KIAA1549: variants seen among roughly 807,000 people sequenced by gnomAD.
KIAA1549 encodes the protein KIAA1549.
KIAA1549 carries 70 observed loss-of-function variants against 156.4 expected under a neutral mutation model. The observed-to-expected ratio is 0.45, with a 90% CI of 0.37 to 0.55. The LOEUF (loss-of-function observed/expected upper bound fraction) is 0.55, where lower values mean the gene tolerates loss of function less well. Among genes scored for constraint, KIAA1549 ranks in the 20% least tolerant of loss-of-function variants. The pLI is 0.00. For missense variants in KIAA1549, 2,428 were observed against 2,540.9 expected (o/e 0.96, Z 0.96); for synonymous variants, 1,103 against 1,066.4 (o/e 1.03, Z -0.67).
At position 138,836,541 on chromosome 7, in the gene KIAA1549, C is replaced by T. The variant is rs1809713153; in HGVS notation, c.*1365G>A. ...CAGGTTAATAGTGAAAATCTCTTAG[C>T]TAAGCCTGCTTTTCTTCTGAGTTTC... On this transcript the variant is annotated 3_prime_UTR_variant, in exon 20 of 20. Transcript: ENST00000422774. 9.2e-6 allele frequency: 2 copies of T among 216,886 alleles called. No homozygotes were observed. Among genetic ancestry groups the T allele is most frequent in the Non-Finnish European group, 1.9e-5 (2 of 107,870 alleles). The allele number at this position is 216,886 out of a possible 1,614,324, so 13.4% of individuals were successfully genotyped here. A position where few individuals can be genotyped will look rare whatever the true frequency, so the allele number is the denominator to read the frequency against.
chr7:138,859,003 C>A (rs963613313), intron 16 of KIAA1549, among the ~76,000 whole-genome samples: 17 of 124,358 alleles, frequency 1.4e-4, no homozygotes, highest in African/African-American at 5.2e-4. Context: ...GAGACTCCAT[C>A]TCAAAACACA....
chr7:138,954,241 T>G (rs892695283), intron 1 of KIAA1549, among the ~76,000 whole-genome samples: 13 of 152,320 alleles, frequency 8.5e-5, no homozygotes, highest in African/African-American at 3.1e-4. Flanking sequence ...TAAACTTTGC[T>G]CTGGACATGG....
chr7:138,925,824 T>G, intron 1 of KIAA1549, among the ~76,000 whole-genome samples: 1 of 93,012 alleles, frequency 1.1e-5, no homozygotes, highest in Non-Finnish European at 1.9e-5. Flanking sequence ...AGCCAGATCC[T>G]GTCTCAAAAA....
intron 3 of KIAA1549, 92 bp from the exon 4 acceptor site, chr7:138,911,415 G>T (rs1440997124): frequency 4.1e-6 from 4 of 965,990 alleles, no homozygotes; most frequent in Admixed American, 3.0e-5. Context: ...AAAACTGGTA[G>T]TTTTGAATGA....
intron 16 of KIAA1549, among the ~76,000 whole-genome samples, chr7:138,856,048 T>C (rs1325334957): frequency 6.6e-6 from 1 of 151,728 alleles, no homozygotes; most frequent in African/African-American, 2.4e-5. Context: ...TTTTTTTTTT[T>C]TGAGACAGAG....
rs543536537 is a variant in KIAA1549, at chr7:138,862,117, TAAGTA to T, written c.4930-666_4930-662del. 9.9e-5 allele frequency among the ~76,000 whole-genome samples: 15 copies of T among 152,236 alleles called. 1 individual carries two copies. The South Asian group carries it at 2.5e-3, about 25-fold the overall frequency. On this transcript the variant is annotated intron_variant, in intron 15 of 19. Coordinates refer to ENST00000422774, the MANE Select transcript of KIAA1549 (RefSeq NM_001164665.2). ...TAAATTTTCCCTAGCTAGAAGTCAA[TAAGTA>T]AAGTAGTCTATTGACTATTAGAAAA...
chr7:138,864,010 G>T (rs972757458), intron 15 of KIAA1549, among the ~76,000 whole-genome samples: 2 of 152,166 alleles, frequency 1.3e-5, no homozygotes, highest in Non-Finnish European at 2.9e-5. Context: ...AGCAGATGAG[G>T]AAGCCTGGTC....
chr7:138,972,609 G>A (rs980815961), intron 1 of KIAA1549, among the ~76,000 whole-genome samples: 10 of 151,738 alleles, frequency 6.6e-5, no homozygotes, highest in Non-Finnish European at 1.5e-4. Context: ...AAAATCACAC[G>A]GTGGGTTCCC....
chr7:138,956,450 T>C (rs558331937), intron 1 of KIAA1549, among the ~76,000 whole-genome samples: 30 of 152,334 alleles, frequency 2.0e-4, no homozygotes, highest in African/African-American at 6.5e-4. Context: ...GTAGCTCCCA[T>C]AATTCCCATG....
chr7:138,956,224 T>C (rs930135448), intron 1 of KIAA1549, among the ~76,000 whole-genome samples: 4 of 152,184 alleles, frequency 2.6e-5, no homozygotes, highest in African/African-American at 7.2e-5. Flanking sequence ...AGGTCTGGAA[T>C]GAAGATGTAG....
intron 10 of KIAA1549, among the ~76,000 whole-genome samples, chr7:138,887,565 T>C (rs1324527834): frequency 2.0e-5 from 3 of 152,308 alleles, no homozygotes; most frequent in South Asian, 2.1e-4. Context: ...CCGGGCAGCA[T>C]GCTGGCTCCC....
chr7:138,896,564 A>G (rs1208821775), intron 9 of KIAA1549, among the ~76,000 whole-genome samples: 1 of 151,124 alleles, frequency 6.6e-6, no homozygotes, highest in Non-Finnish European at 1.5e-5. Flanking sequence ...ACAACTGGAC[A>G]CTCTTCTTAG....
In KIAA1549 at chr7:138,919,188, C is replaced by G; in HGVS notation, c.438G>C (p.Thr146=). ...CGTCATTGACGGCCACCTCTTTACT[C>G]GTCACTGACACGTAAGTTGCCACAA... The part of the protein sequence containing the change: ...SIFVATYVSV[T]SKEVAVNDDE... The change falls in exon 2 of 20, where the codon ACG becomes ACC. Residue 146 remains threonine, a synonymous_variant. Coordinates refer to ENST00000422774, the MANE Select transcript of KIAA1549 (RefSeq NM_001164665.2). The G allele has an allele frequency of 6.2e-7, 1 of 1,613,990 alleles. No homozygotes were observed. Among genetic ancestry groups the G allele is most frequent in the Non-Finnish European group, 8.5e-7 (1 of 1,179,892 alleles).
At chr7:138,971,162 G>A (rs1427623014) in intron 1 of KIAA1549, among the ~76,000 whole-genome samples, 1 of 152,154 alleles carries the variant, frequency 6.6e-6, no homozygotes, top group Non-Finnish European at 1.5e-5. Flanking sequence ...ACCAAGACTG[G>A]CCTTCCAACT....
chr7:138,849,954 C>T (rs934450372), intron 17 of KIAA1549, among the ~76,000 whole-genome samples: 11 of 151,728 alleles, frequency 7.2e-5, no homozygotes, highest in Non-Finnish European at 1.2e-4. Flanking sequence ...TTTTTTTATC[C>T]GATTTGTCAC....
rs771805439 is a variant in KIAA1549 at position 138,898,997 on chromosome 7, C to T, written c.3805G>A (p.Ala1269Thr). 5 of 1,613,852 alleles carry T rather than the reference C, an allele frequency of 3.1e-6. No homozygotes were observed. The highest frequency in any genetic ancestry group is 4.2e-6 in the Non-Finnish European group (5 of 1,179,762). The change falls in exon 9 of 20, where the codon GCC becomes ACC. Residue 1269 changes from alanine to threonine, a missense_variant. Physicochemically the swap from Ala to Thr is moderately conservative, Grantham distance 58. Coordinates refer to ENST00000422774, the MANE Select transcript of KIAA1549 (RefSeq NM_001164665.2). Reference sequence around the variant, plus strand: ...TGAATTCGGTAACCCAAGATGATGGCTGCTCTCTGGAGGTCCATTTTGTTA... The same window carrying T: ...TGAATTCGGTAACCCAAGATGATGGTTGCTCTCTGGAGGTCCATTTTGTTA... The part of the protein sequence containing the change: ...LINKMDLQRA[A>T]IILGYRIQGV...
At chr7:138,942,312 T>A (rs2130525167) in intron 1 of KIAA1549, among the ~76,000 whole-genome samples, 1 of 152,028 alleles carries the variant, frequency 6.6e-6, no homozygotes, top group East Asian at 1.9e-4. Flanking sequence ...ACTTCCCAAT[T>A]TGAAAACTCT....
intron 1 of KIAA1549, among the ~76,000 whole-genome samples, chr7:138,923,225 A>C (rs918030455): frequency 6.6e-6 from 1 of 152,278 alleles, no homozygotes; most frequent in Admixed American, 6.5e-5. Context: ...GAAGACCCAC[A>C]GTAAATGAGC....
intron 13 of KIAA1549, among the ~76,000 whole-genome samples, chr7:138,870,537 G>A (rs1317535998): frequency 2.0e-5 from 3 of 152,170 alleles, no homozygotes; most frequent in African/African-American, 7.2e-5. Context: ...CCCCAGAGTG[G>A]TATCCCCAAA....
Sources: gnomAD v4.1 joint callset for allele counts (sites outside exome capture counted in the v4.1 genomes callset) on GRCh38, gnomAD v4.1.1 for gene constraint, MANE v1.5 for transcripts, NCBI Gene and HGNC (gene_info 2026-07-23, HGNC 2026-07-21) for gene names.